TNPO3: variants seen among roughly 807,000 people sequenced by gnomAD.
TNPO3 encodes transportin 3, also known as transportin-3.
In TNPO3, 65 loss-of-function variants were observed where a neutral mutation model predicts 122.8. The ratio of observed to expected loss-of-function variants is 0.53; its 90% CI spans 0.43 to 0.65. The LOEUF (loss-of-function observed/expected upper bound fraction) is 0.65. Ranked by LOEUF, TNPO3 falls within the 30% of genes least tolerant of loss-of-function variation. TNPO3 has a pLI of 0.00. For synonymous variants in TNPO3, 372 were observed against 411.2 expected, an observed-to-expected ratio of 0.90 and a Z score of 1.15; for missense variants, 850 against 1,136.7, an observed-to-expected ratio of 0.75 and a Z score of 3.63.
intron 8 of TNPO3, among the ~76,000 whole-genome samples, chr7:128,994,512 A>G (rs191023493): frequency 2.6e-5 from 4 of 152,122 alleles, no homozygotes; most frequent in Admixed American, 2.0e-4. Context: ...GCTTGGGGAG[A>G]GTGAGAAGTG....
At chr7:129,034,993 G>A (rs905758106) in intron 1 of TNPO3, among the ~76,000 whole-genome samples, 6 of 151,100 alleles carry the variant, frequency 4.0e-5, no homozygotes, top group Admixed American at 6.6e-5. Context: ...ACAACATATC[G>A]GCCGGGCGCG....
intron 3 of TNPO3, among the ~76,000 whole-genome samples, chr7:129,016,321 G>A (rs1803855543): frequency 1.3e-5 from 2 of 152,240 alleles, no homozygotes; most frequent in Non-Finnish European, 1.5e-5. Flanking sequence ...CTGAACCCAG[G>A]AGGTGGAGGT....
Position 129,047,719 on chromosome 7 carries a change from T to A in TNPO3, c.120+6932A>T, listed in dbSNP as rs114604938. On this transcript the variant is annotated intron_variant, in intron 1 of 22. Transcript: ENST00000265388. The stretch of plus-strand genomic sequence containing the variant: ...GTGGGGTGGTAGAGAAGAATAAGGA[T>A]AATAGTTTCACAAATACATATTCTT... 4.7e-3 allele frequency among the ~76,000 whole-genome samples: 718 copies of A among 152,354 alleles called. 5 individuals are homozygous for A. Among genetic ancestry groups the A allele is most frequent in the African/African-American group, 0.017 (696 of 41,586 alleles).
chr7:129,021,776 A>G (rs770592101), intron 1 of TNPO3, among the ~76,000 whole-genome samples: 22 of 152,284 alleles, frequency 1.4e-4, no homozygotes, highest in Non-Finnish European at 2.8e-4. Context: ...ATGATACAAG[A>G]TACGGAAGAA....
At chr7:129,026,436 CTT>C (rs1182017930) in intron 1 of TNPO3, among the ~76,000 whole-genome samples, 3 of 96,962 alleles carry the variant, frequency 3.1e-5, no homozygotes, top group Non-Finnish European at 5.8e-5. Flanking sequence ...GAGTTTTGCT[CTT>C]GTTGGCCAAG....
At chr7:128,982,397 C>A in intron 13 of TNPO3, 73 bp from the exon 14 acceptor site, 1 of 1,289,460 alleles carries the variant, frequency 7.8e-7, no homozygotes, top group South Asian at 1.2e-5. Context: ...CAACATACAT[C>A]AACCTTTGTC....
At chr7:129,009,183 G>T (rs1291234149) in intron 4 of TNPO3, among the ~76,000 whole-genome samples, 1 of 152,136 alleles carries the variant, frequency 6.6e-6, no homozygotes, top group Non-Finnish European at 1.5e-5. Flanking sequence ...AGAAAGTGAA[G>T]AGACAAAAAT....
intron 12 of TNPO3, 112 bp downstream of exon 12, chr7:128,986,617 A>T (rs1800179753): frequency 4.0e-6 from 4 of 993,912 alleles, no homozygotes; most frequent in Non-Finnish European, 4.4e-6. Flanking sequence ...TCATCTTATA[A>T]ATTCTTAAAC....
At chr7:128,977,993 G>C (rs1482895898) in intron 16 of TNPO3, among the ~76,000 whole-genome samples, 1 of 152,078 alleles carries the variant, frequency 6.6e-6, no homozygotes, top group African/African-American at 2.4e-5. Context: ...GGTTGGGTGG[G>C]GTATGACTCT....
intron 11 of TNPO3, among the ~76,000 whole-genome samples, 171 bp from the exon 12 acceptor site, chr7:128,987,091 T>C (rs944015015): frequency 6.6e-6 from 1 of 152,196 alleles, no homozygotes; most frequent in African/African-American, 2.4e-5. Context: ...AGAGCTGATC[T>C]CACTTACATA....
chr7:129,014,453 G>T (rs1384332215), intron 4 of TNPO3, among the ~76,000 whole-genome samples: 1 of 152,130 alleles, frequency 6.6e-6, no homozygotes, highest in Non-Finnish European at 1.5e-5. Flanking sequence ...AGCCCAGGAG[G>T]AGGAGGGTGC....
chr7:129,001,044 T>C lies in TNPO3; in HGVS notation c.872+15A>G. 6.2e-7 allele frequency: 1 copy of C among 1,612,374 alleles called. No homozygotes were observed. Among genetic ancestry groups the C allele is most frequent in the Non-Finnish European group, 8.5e-7 (1 of 1,178,488 alleles). ...GTAGGTAAACCCAGGGCTCCAGACTTAAACAATTACTCACTTGTCTAAATC... is the reference window on the plus strand; with the variant it reads ...GTAGGTAAACCCAGGGCTCCAGACTCAAACAATTACTCACTTGTCTAAATC... On this transcript the variant is annotated intron_variant, in intron 6 of 22. Coordinates refer to ENST00000265388, the MANE Select transcript of TNPO3 (RefSeq NM_012470.4).
Position 129,012,005 on chromosome 7 carries a change from T to TTC in TNPO3, c.552+2973_552+2974insGA, listed in dbSNP as rs1446417561. The stretch of plus-strand genomic sequence containing the variant: ...GAATTTCTTTTTTCTTTTTCTTTCT[T>TTC]TTTTTTTTTTTTTTTTTTGAGATGG... On this transcript the variant is annotated intron_variant, in intron 4 of 22. Coordinates refer to ENST00000265388, the MANE Select transcript of TNPO3 (RefSeq NM_012470.4). 5.5e-4 allele frequency among the ~76,000 whole-genome samples: 75 copies of TTC among 135,914 alleles called. No homozygotes were observed. In the East Asian group the frequency reaches 0.011, roughly 21 times the overall value. 89.2% of individuals were successfully genotyped at this position (135,914 alleles called of 152,430 possible). A position where few individuals can be genotyped will look rare whatever the true frequency, so the allele number is the denominator to read the frequency against.
chr7:128,957,305 A>C lies in TNPO3; in HGVS notation c.2722T>G (p.Cys908Gly). ...FHKQVTSAEE[C>G]KQVCWALRDF... ...CGCAAGGCCCAGCAAACTTGTTTAC[A>C]TTCCTCAGCACTAGAAAAGAAAAGG... The change falls in exon 22 of 23, where the codon TGT becomes GGT. Residue 908 changes from cysteine to glycine, a missense_variant. Physicochemically the swap from Cys to Gly is radical, Grantham distance 159 (BLOSUM62 -3). Coordinates refer to ENST00000265388, the MANE Select transcript of TNPO3 (RefSeq NM_012470.4). 1 of 1,614,176 alleles carries C rather than the reference A, an allele frequency of 6.2e-7. No homozygotes were observed.
chr7:129,005,817 T>C (rs1802518132), intron 4 of TNPO3, among the ~76,000 whole-genome samples: 1 of 150,166 alleles, frequency 6.7e-6, no homozygotes. Context: ...AGTATTGCTC[T>C]GTTGCCCAGG....
At chr7:128,993,990 GA>G in intron 8 of TNPO3, 76 bp from the exon 9 acceptor site, 3 of 1,327,376 alleles carry the variant, frequency 2.3e-6, no homozygotes, top group Non-Finnish European at 2.1e-6. Context: ...TCAAGAAGAA[GA>G]AAAAAACCAT....
In TNPO3 at chr7:128,975,870, A is replaced by G; in HGVS notation, c.2127T>C (p.Asp709=). The G allele has an allele frequency of 6.2e-7, 1 of 1,614,070 alleles. No homozygotes were observed. Among genetic ancestry groups the G allele is most frequent in the South Asian group, 1.1e-5 (1 of 91,036 alleles). The change falls in exon 17 of 23, where the codon GAT becomes GAC. Residue 709 remains aspartate (D), a synonymous_variant. Transcript: ENST00000265388. ...CFLYLGSILV[D]EYGMEEGCRQ... Reference sequence around the variant, plus strand: ...GACAGCCTTCTTCCATGCCATATTCATCCACAAGGATACTGCCAAGGTACA... The same window carrying G: ...GACAGCCTTCTTCCATGCCATATTCGTCCACAAGGATACTGCCAAGGTACA...
rs548687285 is a variant in TNPO3, at chr7:128,977,741, C to T, written c.2061+1242G>A. 1.1e-4 allele frequency among the ~76,000 whole-genome samples: 17 copies of T among 152,170 alleles called. No individual in the cohort carries two copies. The East Asian group carries it at 2.7e-3, about 24-fold the overall frequency. ...CCTCATGAATAGCTGGGACTACAGG[C>T]GCCTGCCACTGCGCCTGGCTAATTT... On this transcript the variant is annotated intron_variant, in intron 16 of 22. Transcript: ENST00000265388.
At chr7:129,054,521 C>T (rs1311112565) in intron 1 of TNPO3, 130 bp downstream of exon 1, 2 of 1,423,838 alleles carry the variant, frequency 1.4e-6, no homozygotes, top group East Asian at 4.9e-5. Context: ...CGCAGCCCCA[C>T]CCCACGACAG....
Sources: allele counts gnomAD v4.1 joint callset (sites outside exome capture counted in the v4.1 genomes callset), GRCh38; gene constraint gnomAD v4.1.1; transcripts MANE v1.5; gene names NCBI Gene and HGNC (gene_info 2026-07-23, HGNC 2026-07-21).